The following TARBP1 variants were observed in gnomAD, a reference collection of about 807,000 sequenced individuals.
TARBP1 encodes the protein tRNA guanosine 2 -O-methyltransferase TARBP1, also known as tRNA (guanosine(18)-2'-O)-methyltransferase TARBP1.
A neutral mutation model predicts 178.6 loss-of-function variants in TARBP1; 144 were observed. The ratio of observed to expected loss-of-function variants is 0.81; its 90% CI spans 0.70 to 0.93. The LOEUF (loss-of-function observed/expected upper bound fraction) is 0.93. TARBP1 is among the 40% of genes least tolerant of loss of function. The probability of loss-of-function intolerance (pLI) is 0.00; values close to 1 mark genes in which losing one functional copy is unlikely to be tolerated. For missense variants in TARBP1, 2,067 were observed against 2,011.7 expected (o/e 1.03, Z -0.53); for synonymous variants, 787 against 781.0 (o/e 1.01, Z -0.13).
At chr1:234,459,912 AT>A (rs1362406647) in intron 7 of TARBP1, among the ~76,000 whole-genome samples, 93 of 151,820 alleles carry the variant, frequency 6.1e-4, no homozygotes, top group East Asian at 1.9e-3. Flanking sequence ...TTTACCAAAT[AT>A]TTTTTAAATA....
At chr1:234,477,279 G>A (rs1302647401) in intron 1 of TARBP1, among the ~76,000 whole-genome samples, 1 of 152,222 alleles carries the variant, frequency 6.6e-6, no homozygotes, top group Admixed American at 6.5e-5. Context: ...GTTTTCCAGT[G>A]AAAACTCTCA....
At chr1:234,394,287 T>A (rs1364459074) in intron 26 of TARBP1, among the ~76,000 whole-genome samples, 2 of 152,258 alleles carry the variant, frequency 1.3e-5, no homozygotes, top group Non-Finnish European at 2.9e-5. Context: ...AAAATAATTT[T>A]AAAAGTGCTG....
intron 20 of TARBP1, among the ~76,000 whole-genome samples, chr1:234,421,423 T>C (rs551344265): frequency 4.5e-4 from 69 of 152,236 alleles, no homozygotes; most frequent in South Asian, 3.1e-3. Flanking sequence ...GCCAAAAAAC[T>C]GGGAGCTATG....
At chr1:234,438,292 G>GA (rs111619785) in intron 12 of TARBP1, among the ~76,000 whole-genome samples, 20,376 of 151,124 alleles carry the variant, frequency 0.13, 1,500 homozygotes, top group Middle Eastern at 0.26. Flanking sequence ...AGCTGATATG[G>GA]AAAAAAAAAT....
At chr1:234,411,114 G>A (rs1030725518) in intron 22 of TARBP1, among the ~76,000 whole-genome samples, 1 of 152,228 alleles carries the variant, frequency 6.6e-6, no homozygotes, top group African/African-American at 2.4e-5. Context: ...CTGTATGCAC[G>A]AGTTCTGCAT....
At position 234,398,420 on chromosome 1, in the gene TARBP1, C is replaced by T. The variant is rs367698860; in HGVS notation, c.4205G>A (p.Ser1402Asn). ...FQWYLSQTQL[S>N]KLKPGDWSQQ... The stretch of plus-strand genomic sequence containing the variant: ...AGACCAGTCACCTGGTTTTAGTTTA[C>T]TAAGTTGAGTTTGAGAAAGGTACCA... Residue 1402 changes from serine (S) to asparagine (N), a missense_variant, in exon 26 of 30, where the codon AGT becomes AAT. By Grantham distance (46) the Ser-to-Asn change is conservative (BLOSUM62 1). Transcript: ENST00000040877. 8 of 1,610,540 alleles carry T rather than the reference C, an allele frequency of 5.0e-6. No individual in the cohort carries two copies. The African/African-American group carries it at 1.1e-4, about 22-fold the overall frequency.
chr1:234,444,977 C>T lies in TARBP1; in HGVS notation c.2134+1826G>A, dbSNP rs142951790. ...ACAACTTCTCGTTCCTCACCACCAACGGCCCCATTTCTCTGCTGCTCTACA... is the reference window on the plus strand; with the variant it reads ...ACAACTTCTCGTTCCTCACCACCAATGGCCCCATTTCTCTGCTGCTCTACA... On this transcript the variant is annotated intron_variant, in intron 12 of 29. Coordinates refer to ENST00000040877, the MANE Select transcript of TARBP1 (RefSeq NM_005646.4). Among the ~76,000 whole-genome samples the T allele has an allele frequency of 1.5e-4, 23 of 152,288 alleles. No individual in the cohort carries two copies. In the East Asian group the frequency reaches 2.7e-3, roughly 18 times the overall value.
chr1:234,475,626 A>T (rs1319022682), intron 1 of TARBP1, among the ~76,000 whole-genome samples: 1 of 152,222 alleles, frequency 6.6e-6, no homozygotes, highest in Non-Finnish European at 1.5e-5. Flanking sequence ...CTGGAGAGGG[A>T]GCACAGACAG....
chr1:234,431,283 C>T (rs891322669), intron 14 of TARBP1, among the ~76,000 whole-genome samples: 1 of 152,128 alleles, frequency 6.6e-6, no homozygotes, highest in Non-Finnish European at 1.5e-5. Flanking sequence ...TTTAGTGTTA[C>T]CTTTGAGCCA....
At position 234,429,125 on chromosome 1, in the gene TARBP1, AAGTT is replaced by A; in HGVS notation, c.3060+7_3060+10del. 6.4e-7 allele frequency: 1 copy of A among 1,552,224 alleles called. No homozygotes were observed. Among genetic ancestry groups the A allele is most frequent in the East Asian group, 2.3e-5 (1 of 43,956 alleles). On this transcript the variant is annotated splice_region_variant and intron_variant, in intron 17 of 29. Coordinates refer to ENST00000040877, the MANE Select transcript of TARBP1 (RefSeq NM_005646.4). The stretch of plus-strand genomic sequence containing the variant: ...TGAAAAGAAAAGCAAAAAGAAAAGA[AAGTT>A]AGTTACCTCTTTTATTTTGAAATAT...
chr1:234,472,935 C>T (rs1466334332), intron 1 of TARBP1, 124 bp from the exon 2 acceptor site: 5 of 759,966 alleles, frequency 6.6e-6, no homozygotes, highest in Non-Finnish European at 1.1e-5. Context: ...GGAGGTGCCC[C>T]TGTATCAGAG....
intron 24 of TARBP1, 69 bp from the exon 25 acceptor site, chr1:234,401,331 A>C (rs1034583149): frequency 2.5e-5 from 30 of 1,184,420 alleles, no homozygotes; most frequent in Admixed American, 1.5e-4. Context: ...GAATCAATTC[A>C]GTATCTTAAA....
chr1:234,476,735 G>A (rs1424283723), intron 1 of TARBP1, among the ~76,000 whole-genome samples: 1 of 152,176 alleles, frequency 6.6e-6, no homozygotes, highest in Non-Finnish European at 1.5e-5. Context: ...AATTTTAACT[G>A]TGACAATATA....
At chr1:234,470,092 C>A (rs1668886483) in intron 3 of TARBP1, among the ~76,000 whole-genome samples, 2 of 152,050 alleles carry the variant, frequency 1.3e-5, no homozygotes, top group African/African-American at 2.4e-5. Context: ...CGTGGCAAAA[C>A]CCCGTCTCTA....
chr1:234,418,089 A>T lies in TARBP1; in HGVS notation c.3700T>A (p.Ser1234Thr). 7.4e-7 allele frequency: 1 copy of T among 1,346,590 alleles called. No homozygotes were observed. The highest frequency in any genetic ancestry group is 9.9e-7 in the Non-Finnish European group (1 of 1,008,394). The allele number at this position is 1,346,590 out of a possible 1,614,324, so 83.4% of individuals were successfully genotyped here. Reference sequence around the variant, plus strand: ...AAAAAATATTCTTTACTTACATAAGAAAAACAATCCCAGAACTTTGGAAGA... The same window carrying T: ...AAAAAATATTCTTTACTTACATAAGTAAAACAATCCCAGAACTTTGGAAGA... ...QFLPKFWDCF[S>T]YGEENLKTSI... Residue 1234 changes from serine (S) to threonine (T), a missense_variant, in exon 22 of 30, where the codon TCT becomes ACT. Physicochemically the swap from Ser to Thr is moderately conservative, Grantham distance 58. Transcript: ENST00000040877.
chr1:234,404,688 G>A (rs530206734), intron 24 of TARBP1, among the ~76,000 whole-genome samples: 41 of 152,244 alleles, frequency 2.7e-4, no homozygotes, highest in Non-Finnish European at 5.1e-4. Flanking sequence ...CCAGTATACA[G>A]AACTGTGCAC....
chr1:234,476,463 T>C (rs1201665939), intron 1 of TARBP1, among the ~76,000 whole-genome samples: 5 of 152,202 alleles, frequency 3.3e-5, no homozygotes, highest in African/African-American at 1.2e-4. Context: ...CTGCGACATC[T>C]GGGCATGTAA....
chr1:234,459,205 T>TG, intron 8 of TARBP1, 25 bp downstream of exon 8: 1 of 1,583,180 alleles, frequency 6.3e-7, no homozygotes, highest in South Asian at 1.1e-5. Context: ...GACTTGTAAA[T>TG]GGAAGTAACA....
In TARBP1 at chr1:234,478,961, G is replaced by A; in HGVS notation, c.143C>T (p.Ala48Val). The A allele has an allele frequency of 6.8e-7, 1 of 1,464,258 alleles. No individual in the cohort carries two copies. Among genetic ancestry groups the A allele is most frequent in the Non-Finnish European group, 9.0e-7 (1 of 1,116,822 alleles). The allele number at this position is 1,464,258 out of a possible 1,614,324, so 90.7% of individuals were successfully genotyped here. ...CGCGCCTGCGCCCCCGCTGCCGCGC[G>A]CCTCCTCGTCCTCGAGCCGCTGCAG... ...FLLQRLEDEEARGSGGAGALP... is the reference protein window; with the variant it reads ...FLLQRLEDEEVRGSGGAGALP... Residue 48 changes from alanine (A) to valine (V), a missense_variant, in exon 1 of 30, where the codon GCG becomes GTG. Coordinates refer to ENST00000040877, the MANE Select transcript of TARBP1 (RefSeq NM_005646.4).
Sources: allele counts gnomAD v4.1 joint callset (sites outside exome capture counted in the v4.1 genomes callset), GRCh38; gene constraint gnomAD v4.1.1; transcripts MANE v1.5; gene names NCBI Gene and HGNC (gene_info 2026-07-23, HGNC 2026-07-21).